ARHGAP32: variants seen among roughly 807,000 people sequenced by gnomAD.
The protein encoded by ARHGAP32 is rho GTPase-activating protein 32.
Under a neutral mutation model 186.5 loss-of-function variants are expected in ARHGAP32, and 51 were observed. The ratio of observed to expected loss-of-function variants is 0.27; its 90% CI spans 0.22 to 0.35. The LOEUF is 0.35. ARHGAP32 is among the 10% of genes least tolerant of loss of function. The pLI is 1.00. For synonymous variants in ARHGAP32, 950 were observed against 964.3 expected (o/e 0.99, Z 0.27); for missense variants, 2,186 against 2,623.5 (o/e 0.83, Z 3.64).
intron 18 of ARHGAP32, among the ~76,000 whole-genome samples, chr11:128,979,245 AAC>A (rs1208205982): frequency 2.6e-5 from 4 of 152,252 alleles, no homozygotes; most frequent in African/African-American, 4.8e-5. Context: ...GTCCAAAAAT[AAC>A]ACAGAGTTAA....
chr11:129,210,871 G>A (rs1251114320), intron 1 of ARHGAP32, among the ~76,000 whole-genome samples: 3 of 152,076 alleles, frequency 2.0e-5, no homozygotes, highest in South Asian at 4.2e-4. Flanking sequence ...CTTTTTGGCC[G>A]TGTATGTCCA....
intron 10 of ARHGAP32, among the ~76,000 whole-genome samples, chr11:129,057,563 A>G (rs768499472): frequency 2.0e-5 from 3 of 152,150 alleles, no homozygotes; most frequent in Admixed American, 6.6e-5. Flanking sequence ...TTCTCAACAT[A>G]GCTGGGGGAT....
intron 2 of ARHGAP32, among the ~76,000 whole-genome samples, chr11:129,126,702 T>C (rs757025080): frequency 2.0e-5 from 3 of 152,128 alleles, no homozygotes; most frequent in East Asian, 1.9e-4. Context: ...TAGATGAATA[T>C]AGTATTGAGT....
chr11:128,981,618 C>T (rs1945709329), intron 16 of ARHGAP32, 57 bp from the exon 17 acceptor site: 2 of 1,535,650 alleles, frequency 1.3e-6, no homozygotes, highest in Admixed American at 1.9e-5. Context: ...TCAAGGGCCT[C>T]TTTTTTTAAA....
In ARHGAP32 at chr11:129,172,423, T is replaced by A. The variant is rs189869735; in HGVS notation, c.117-7996A>T. Among the ~76,000 whole-genome samples the A allele has an allele frequency of 1.9e-3, 294 of 152,372 alleles. 4 individuals carry two copies. The highest frequency in any genetic ancestry group is 2.6e-3 in the Non-Finnish European group (177 of 68,036). ...AAGGCCTTTTCTGCATCTGTTGAGA[T>A]AATCATGTGGTTTTGTCTTTGGTTC... On this transcript the variant is annotated intron_variant, in intron 1 of 22. Coordinates refer to ENST00000682385, the MANE Select transcript of ARHGAP32 (RefSeq NM_001378024.1).
Position 129,244,351 on chromosome 11 carries a change from A to G in ARHGAP32, c.-5+34795T>C, listed in dbSNP as rs572101346. 3.7e-3 allele frequency among the ~76,000 whole-genome samples: 571 copies of G among 152,358 alleles called. 2 individuals are homozygous for G. Among genetic ancestry groups the G allele is most frequent in the African/African-American group, 0.013 (546 of 41,582 alleles). The stretch of plus-strand genomic sequence containing the variant: ...TGTATCTGCATATATGGTTAGTTCC[A>G]TATTTTGCACTATTTCTTTAGACTC... On this transcript the variant is annotated intron_variant, in intron 1 of 6. Coordinates refer to the ARHGAP32 transcript ENST00000525234.
At chr11:129,264,945 C>T (rs920374946) in intron 1 of ARHGAP32, among the ~76,000 whole-genome samples, 38 of 152,184 alleles carry the variant, frequency 2.5e-4, no homozygotes, top group Admixed American at 7.2e-4. Context: ...CAAGCCAGTA[C>T]ATGAAAGCCA....
At chr11:129,198,001 C>T (rs1947274979) in intron 1 of ARHGAP32, among the ~76,000 whole-genome samples, 4 of 152,002 alleles carry the variant, frequency 2.6e-5, no homozygotes, top group African/African-American at 9.7e-5. Context: ...AATAAAGAAT[C>T]CAGTTAATTT....
At chr11:128,973,598 A>G in intron 21 of ARHGAP32, 166 bp from the exon 22 acceptor site, 1 of 703,270 alleles carries the variant, frequency 1.4e-6, no homozygotes, top group South Asian at 1.9e-5. Context: ...TTGAAAACAC[A>G]TCTGGTTCAG....
rs147320799 is a variant in ARHGAP32, at chr11:129,021,726, A to G, written c.1045+19202T>C. On this transcript the variant is annotated intron_variant, in intron 11 of 22. Transcript: ENST00000682385. Reference sequence around the variant, plus strand: ...TACTAATTTTTATTTCGAAATTTAAATTACAAATTTAAAATAATAAATACG... The same window carrying G: ...TACTAATTTTTATTTCGAAATTTAAGTTACAAATTTAAAATAATAAATACG... Among the ~76,000 whole-genome samples the G allele has an allele frequency of 1.5e-3, 221 of 152,212 alleles. 1 individual carries two copies. Among genetic ancestry groups the G allele is most frequent in the African/African-American group, 4.9e-3 (204 of 41,584 alleles).
At chr11:129,237,090 G>A (rs182760585) in intron 1 of ARHGAP32, among the ~76,000 whole-genome samples, 1 of 152,182 alleles carries the variant, frequency 6.6e-6, no homozygotes, top group African/African-American at 2.4e-5. Context: ...TGCATTCCCT[G>A]GTATGAAACC....
intron 6 of ARHGAP32, among the ~76,000 whole-genome samples, chr11:129,084,495 G>A (rs1465115026): frequency 1.3e-5 from 2 of 152,130 alleles, no homozygotes; most frequent in African/African-American, 4.8e-5. Context: ...TGCAAGGCTG[G>A]TTCAACATTT....
intron 1 of ARHGAP32, among the ~76,000 whole-genome samples, chr11:129,256,901 T>C (rs973044926): frequency 1.3e-5 from 2 of 152,264 alleles, no homozygotes; most frequent in Middle Eastern, 3.4e-3. Context: ...CGCGAATCTC[T>C]TAGCCTTTCC....
intron 11 of ARHGAP32, among the ~76,000 whole-genome samples, chr11:129,038,501 A>G (rs1202438310): frequency 6.6e-6 from 1 of 152,074 alleles, no homozygotes; most frequent in African/African-American, 2.4e-5. Context: ...ACTACCAAAG[A>G]AAGTCAAAGA....
intron 1 of ARHGAP32, among the ~76,000 whole-genome samples, chr11:129,174,924 G>A (rs1236825515): frequency 6.9e-5 from 10 of 145,884 alleles, no homozygotes; most frequent in East Asian, 2.0e-4. Flanking sequence ...CACCAGCAAC[G>A]GAACAAAGCT....
At position 129,123,774 on chromosome 11, in the gene ARHGAP32, C is replaced by A; in HGVS notation, c.359+114G>T. On this transcript the variant is annotated intron_variant, in intron 4 of 22. Coordinates refer to ENST00000682385, the MANE Select transcript of ARHGAP32 (RefSeq NM_001378024.1). This position sits in a 1 kb window ranked among gnomAD's most constrained non-coding sequence, Gnocchi z 4.6. ...CATCACCGTTATCTCCTAATTTTGA[C>A]CCGAATCAATGTCCATAGAAAAACT... 1 of 908,438 alleles carries A rather than the reference C, an allele frequency of 1.1e-6. No homozygotes were observed. Among genetic ancestry groups the A allele is most frequent in the Non-Finnish European group, 1.6e-6 (1 of 636,492 alleles). 56.3% of individuals were successfully genotyped at this position (908,438 alleles called of 1,614,324 possible).
chr11:129,235,900 AAC>A (rs57291313), intron 1 of ARHGAP32, among the ~76,000 whole-genome samples: 12,841 of 145,554 alleles, frequency 0.088, 599 homozygotes, highest in South Asian at 0.21. Flanking sequence ...GTCATTCATA[AAC>A]ACACACACAC....
chr11:129,164,506 C>A, intron 1 of ARHGAP32, 79 bp from the exon 2 acceptor site: 1 of 783,016 alleles, frequency 1.3e-6, no homozygotes, highest in Non-Finnish European at 2.0e-6. Context: ...ATTGAAAGAG[C>A]AGAAAAACTA....
At chr11:129,135,987 C>A (rs192982780) in intron 2 of ARHGAP32, among the ~76,000 whole-genome samples, 1 of 152,210 alleles carries the variant, frequency 6.6e-6, no homozygotes, top group Admixed American at 6.5e-5. Flanking sequence ...TTCACTAAAT[C>A]TAAGCATTTC....
Sources: gnomAD v4.1 joint callset for allele counts (sites outside exome capture counted in the v4.1 genomes callset) on GRCh38, gnomAD v4.1.1 for gene constraint, Gnocchi (gnomAD v3.1) non-coding constraint, MANE v1.5 for transcripts, NCBI Gene and HGNC (gene_info 2026-07-23, HGNC 2026-07-21) for gene names.